Variants in KANSL1 observed in about 807,000 individuals in gnomAD.
KANSL1 encodes MLL1/MLL complex subunit KANSL1.
KANSL1 carries 22 observed loss-of-function variants against 103.6 expected under a neutral mutation model. The ratio of observed to expected loss-of-function variants is 0.21; its 90% confidence interval spans 0.15 to 0.30. The LOEUF (loss-of-function observed/expected upper bound fraction) is 0.30. Among genes scored for constraint, KANSL1 ranks in the 10% least tolerant of loss-of-function variants. KANSL1 has a pLI of 1.00. For missense variants in KANSL1, 1,337 were observed against 1,399.8 expected (o/e 0.96, Z 0.72); for synonymous variants, 600 against 527.6 (o/e 1.14, Z -1.88).
chr17:46,032,472 A>G (rs559279027), intron 13 of KANSL1, 173 bp from the exon 14 acceptor site: 5 of 528,794 alleles, frequency 9.5e-6, no homozygotes, highest in African/African-American at 5.8e-5. Context: ...GGGTAGGTAT[A>G]CAACATTTAC....
chr17:46,083,176 G>C (rs1483758806), intron 3 of KANSL1, among the ~76,000 whole-genome samples: 1 of 152,044 alleles, frequency 6.6e-6, no homozygotes, highest in Non-Finnish European at 1.5e-5. Context: ...AATTAAAAAT[G>C]AACCCACAAG....
Position 46,067,268 on chromosome 17 carries a change from G to A in KANSL1, c.1652+281C>T, listed in dbSNP as rs17659731. The stretch of plus-strand genomic sequence containing the variant: ...TCCTAAGCAGAGGAGGTTAATATAA[G>A]CACTTCTGAGGAATTCCTGCAAGAT... On this transcript the variant is annotated intron_variant, in intron 5 of 14. Transcript: ENST00000432791. Among the ~76,000 whole-genome samples the A allele has an allele frequency of 0.14, 21,800 of 152,156 alleles. 2,130 individuals carry two copies. Among genetic ancestry groups the A allele is most frequent in the Non-Finnish European group, 0.22 (14,745 of 67,978 alleles).
chr17:46,055,686 TC>T (rs34523158), intron 6 of KANSL1, among the ~76,000 whole-genome samples: 5 of 152,008 alleles, frequency 3.3e-5, no homozygotes, highest in Non-Finnish European at 7.4e-5. Context: ...AAGGAACCAT[TC>T]CCCAAAATTT....
chr17:46,085,177 G>C (rs902058022), intron 3 of KANSL1, among the ~76,000 whole-genome samples: 2 of 152,112 alleles, frequency 1.3e-5, no homozygotes, highest in Non-Finnish European at 2.9e-5. Context: ...GCTGCTGCTG[G>C]AGGTAAGGGT....
chr17:46,089,503 C>T (rs529692139), intron 3 of KANSL1, among the ~76,000 whole-genome samples: 9 of 150,832 alleles, frequency 6.0e-5, no homozygotes, highest in African/African-American at 9.7e-5. Context: ...ATCTCCCACC[C>T]GAAGACAAAT....
intron 2 of KANSL1, among the ~76,000 whole-genome samples, chr17:46,146,612 T>C: frequency 8.9e-6 from 1 of 112,806 alleles, no homozygotes; most frequent in South Asian, 2.4e-4. Flanking sequence ...AGCCGGCGGA[T>C]CACGAGGTCA....
chr17:46,056,940 A>C (rs1439849357), intron 6 of KANSL1, among the ~76,000 whole-genome samples: 1 of 152,154 alleles, frequency 6.6e-6, no homozygotes, highest in Admixed American at 6.5e-5. Flanking sequence ...ATTTGTGAAA[A>C]TGAGTAATTA....
At chr17:46,170,133 G>C (rs1228949006) in intron 2 of KANSL1, 1 of 152,438 alleles carries the variant, frequency 6.6e-6, no homozygotes, top group Admixed American at 6.5e-5. Context: ...CTGGGCGACA[G>C]AGCGGAACTG....
At chr17:46,149,571 T>C (rs1230959486) in intron 2 of KANSL1, among the ~76,000 whole-genome samples, 3 of 152,282 alleles carry the variant, frequency 2.0e-5, no homozygotes, top group Non-Finnish European at 4.4e-5. Flanking sequence ...AGTATGACTG[T>C]GTTCCAATAA....
intron 10 of KANSL1, chr17:46,034,486 T>A (rs2146326493): frequency 1.9e-6 from 1 of 523,638 alleles, no homozygotes; most frequent in East Asian, 3.6e-5. Flanking sequence ...CAGGTGGTCA[T>A]GAGGAGTTAG....
upstream of KANSL1, chr17:46,193,646 G>C (rs1456364621): frequency 3.2e-6 from 1 of 311,860 alleles, no homozygotes; most frequent in South Asian, 2.2e-5. Flanking sequence ...CTCCATCTGC[G>C]GAGGCCGCGG....
At chr17:46,105,785 C>T (rs762146527) in intron 2 of KANSL1, among the ~76,000 whole-genome samples, 2 of 151,872 alleles carry the variant, frequency 1.3e-5, no homozygotes, top group Non-Finnish European at 2.9e-5. Context: ...GAGGGAGGAT[C>T]GCTTGAGCCT....
intron 2 of KANSL1, among the ~76,000 whole-genome samples, chr17:46,126,151 C>T (rs1351027975): frequency 1.3e-5 from 2 of 151,828 alleles, no homozygotes; most frequent in Non-Finnish European, 2.9e-5. Context: ...CTCAATAAAG[C>T]TGCTGAAAAA....
At chr17:46,038,900 G>T in intron 9 of KANSL1, 127 bp downstream of exon 9, 1 of 1,243,412 alleles carries the variant, frequency 8.0e-7, no homozygotes, top group Non-Finnish European at 1.1e-6. Context: ...AAGCAGTAGC[G>T]TCCCTCTACT....
intron 1 of KANSL1, among the ~76,000 whole-genome samples, chr17:46,199,410 C>T (rs993499073): frequency 6.6e-6 from 1 of 152,162 alleles, no homozygotes; most frequent in African/African-American, 2.4e-5. Flanking sequence ...ACAATGACTA[C>T]AAAGCTCAGA....
chr17:46,095,445 C>A (rs1406913996), intron 2 of KANSL1, among the ~76,000 whole-genome samples: 1 of 152,132 alleles, frequency 6.6e-6, no homozygotes, highest in East Asian at 1.9e-4. Context: ...AGCCTCAAAA[C>A]GTAGAACTAG....
At chr17:46,179,530 T>C (rs1330838287) in intron 1 of KANSL1, among the ~76,000 whole-genome samples, 1 of 152,202 alleles carries the variant, frequency 6.6e-6, no homozygotes, top group Non-Finnish European at 1.5e-5. Flanking sequence ...TGGCTTCTAC[T>C]AACCTCTTCC....
chr17:46,190,648 A>T (rs552765310), intron 1 of KANSL1, among the ~76,000 whole-genome samples: 7 of 152,248 alleles, frequency 4.6e-5, no homozygotes, highest in Middle Eastern at 3.2e-3. Context: ...TCACCATAAT[A>T]TAGACATTAA....
At chr17:46,131,219 T>C (rs1442519208) in intron 2 of KANSL1, among the ~76,000 whole-genome samples, 1 of 152,214 alleles carries the variant, frequency 6.6e-6, no homozygotes, top group Non-Finnish European at 1.5e-5. Flanking sequence ...CTACAATGAA[T>C]AAAAATGGTT....
Sources: gnomAD v4.1 joint callset for allele counts (sites outside exome capture counted in the v4.1 genomes callset) on GRCh38, gnomAD v4.1.1 for gene constraint, MANE v1.5 for transcripts, NCBI Gene and HGNC (gene_info 2026-07-23, HGNC 2026-07-21) for gene names.